TPCN2: variants seen among roughly 807,000 people sequenced by gnomAD.
The protein encoded by TPCN2 is two pore channel protein 2.
In TPCN2, 92 loss-of-function variants were observed where a neutral mutation model predicts 111.4. The ratio of observed to expected loss-of-function variants is 0.83; its 90% CI spans 0.70 to 0.98. The LOEUF is 0.98. Among genes scored for constraint, TPCN2 ranks in the 50% least tolerant of loss-of-function variants. The probability of loss-of-function intolerance (pLI) is 0.00; values close to 1 mark genes in which losing one functional copy is unlikely to be tolerated. For synonymous variants in TPCN2, 405 were observed against 414.5 expected (o/e 0.98, Z 0.28); for missense variants, 995 against 980.1 (o/e 1.02, Z -0.20).
At chr11:69,064,085 T>A (rs1335425188) in intron 7 of TPCN2, 118 bp downstream of exon 7, 4 of 969,144 alleles carry the variant, frequency 4.1e-6, no homozygotes, top group Non-Finnish European at 6.4e-6. Context: ...TGTCCAGTAA[T>A]AGCAGTGGCC....
chr11:69,084,409 GGTC>G (rs1338632015), intron 19 of TPCN2, among the ~76,000 whole-genome samples: 1 of 152,244 alleles, frequency 6.6e-6, no homozygotes, highest in African/African-American at 2.4e-5. Flanking sequence ...ATGAGGACTT[GGTC>G]GAGGCTCCTT....
chr11:69,067,292 C>T (rs527805986), intron 7 of TPCN2, among the ~76,000 whole-genome samples: 5 of 152,356 alleles, frequency 3.3e-5, no homozygotes, highest in Admixed American at 1.3e-4. Flanking sequence ...CGTGTCCATG[C>T]GGGTGAGCGG....
In TPCN2 at chr11:69,072,619, C is replaced by T. The variant is rs1006602508; in HGVS notation, c.1062-8C>T. ...TGTGCTCACCGGGCTGTGGGTTTTT[C>T]CCTGCAGAGTTGGGGTGAAGCCCCA... On this transcript the variant is annotated splice_region_variant and splice_polypyrimidine_tract_variant and intron_variant, in intron 11 of 24. Transcript: ENST00000294309. 1 of 1,613,774 alleles carries T rather than the reference C, an allele frequency of 6.2e-7. No individual in the cohort carries two copies. Among genetic ancestry groups the T allele is most frequent in the African/African-American group, 1.3e-5 (1 of 75,026 alleles).
chr11:69,076,036 A>T (rs1305040777), intron 13 of TPCN2, among the ~76,000 whole-genome samples: 1 of 152,192 alleles, frequency 6.6e-6, no homozygotes, highest in Non-Finnish European at 1.5e-5. Context: ...TCTGGGTTAA[A>T]CAGAAAGTGT....
chr11:69,087,075 G>T (rs367730549), intron 23 of TPCN2, 37 bp from the exon 24 acceptor site: 1 of 1,577,542 alleles, frequency 6.3e-7, no homozygotes, highest in Admixed American at 1.7e-5. Flanking sequence ...CTTTCATTCG[G>T]GGCCCACACT....
In TPCN2 at chr11:69,060,952, G is replaced by A. The variant is rs115286990; in HGVS notation, c.547-1932G>A. Among the ~76,000 whole-genome samples the A allele has an allele frequency of 6.5e-3, 994 of 152,296 alleles. 13 individuals carry two copies. The highest frequency in any genetic ancestry group is 0.023 in the African/African-American group (955 of 41,570). On this transcript the variant is annotated intron_variant, in intron 5 of 24. Coordinates refer to ENST00000294309, the MANE Select transcript of TPCN2 (RefSeq NM_139075.4). ...GTTCTCTTGGCCTTCTCAGTCCTGC[G>A]CCAGGCCCTGGGGTCCCTTTTGAGA...
At position 69,063,940 on chromosome 11, in the gene TPCN2, C is replaced by A. The variant is rs140012274; in HGVS notation, c.699C>A (p.Phe233Leu). The change falls in exon 7 of 25, where the codon TTC becomes TTA. Residue 233 changes from phenylalanine (F) to leucine (L), a missense_variant. Physicochemically the swap from Phe to Leu is conservative, Grantham distance 22. Transcript: ENST00000294309. ...LAIHLCLFTM[F>L]GMLLFAGGKQ... is the part of the protein sequence containing the mutation. ...TCCACCTGTGCCTCTTCACCATGTTCGGAATGCTGCTGTTCGCTGGTGGGA... is the reference window on the plus strand; with the variant it reads ...TCCACCTGTGCCTCTTCACCATGTTAGGAATGCTGCTGTTCGCTGGTGGGA... The A allele has an allele frequency of 6.2e-7, 1 of 1,613,994 alleles. No individual in the cohort carries two copies. The highest frequency in any genetic ancestry group is 1.7e-5 in the Admixed American group (1 of 59,996).
chr11:69,072,562 C>A (rs986335180), intron 11 of TPCN2, 65 bp from the exon 12 acceptor site: 8 of 1,557,594 alleles, frequency 5.1e-6, no homozygotes, highest in Middle Eastern at 1.7e-4. Context: ...GCAGGAGGAC[C>A]CAGGCCAGGG....
At chr11:69,051,104 G>C (rs1310392956) in intron 1 of TPCN2, among the ~76,000 whole-genome samples, 1 of 152,254 alleles carries the variant, frequency 6.6e-6, no homozygotes, top group Non-Finnish European at 1.5e-5. Flanking sequence ...CCTGTGCTCT[G>C]GTTTGCAAGT....
intron 9 of TPCN2, 37 bp from the exon 10 acceptor site, chr11:69,071,319 T>G (rs1279551491): frequency 6.3e-7 from 1 of 1,588,964 alleles, no homozygotes; most frequent in South Asian, 1.1e-5. Context: ...GCTGCTGTAC[T>G]GGTGGCGCCC....
At chr11:69,057,923 C>T (rs1355406580) in intron 5 of TPCN2, among the ~76,000 whole-genome samples, 1 of 152,212 alleles carries the variant, frequency 6.6e-6, no homozygotes, top group Non-Finnish European at 1.5e-5. Context: ...CCTCCTGGCT[C>T]GCCCTGTTTT....
intron 7 of TPCN2, among the ~76,000 whole-genome samples, chr11:69,064,239 C>G (rs541503857): frequency 2.0e-5 from 3 of 152,118 alleles, no homozygotes; most frequent in Non-Finnish European, 4.4e-5. Flanking sequence ...CCTCTGCTCC[C>G]TCCCATCCTG....
intron 17 of TPCN2, 80 bp from the exon 18 acceptor site, chr11:69,081,320 C>G: frequency 1.0e-6 from 1 of 962,536 alleles, no homozygotes; most frequent in Non-Finnish European, 1.6e-6. Flanking sequence ...CGCCTCCGTC[C>G]AGGAACCCGC....
At position 69,071,519 on chromosome 11, in the gene TPCN2, C is replaced by G. The variant is rs561497030; in HGVS notation, c.960+99C>G. 8.0e-5 allele frequency: 88 copies of G among 1,096,362 alleles called. No homozygotes were observed. In the African/African-American group the frequency reaches 1.2e-3, roughly 15 times the overall value. 67.9% of individuals were successfully genotyped at this position (1,096,362 alleles called of 1,614,324 possible). ...AGCTGGGTGACCCTTGCTGGCCAGG[C>G]CCCTGGTGGGACGGGAGGGCAGGGT... On this transcript the variant is annotated intron_variant, in intron 10 of 24. Transcript: ENST00000294309.
chr11:69,079,426 C>A, intron 16 of TPCN2: 1 of 279,226 alleles, frequency 3.6e-6, no homozygotes, highest in Non-Finnish European at 6.8e-6. Context: ...AATGCTTACA[C>A]TTCCTTTCCC....
chr11:69,072,846 G>GGGGCGCTCACCTTCGA, intron 12 of TPCN2, 69 bp from the exon 13 acceptor site: 5 of 1,528,600 alleles, frequency 3.3e-6, no homozygotes, highest in South Asian at 2.2e-5. Flanking sequence ...GTTGGGGCTG[G>GGGGCGCTCACCTTCGA]GGGCGCTCAC....
chr11:69,072,548 C>A, intron 11 of TPCN2, 79 bp from the exon 12 acceptor site: 1 of 1,467,088 alleles, frequency 6.8e-7, no homozygotes, highest in Non-Finnish European at 9.4e-7. Flanking sequence ...AGCCAGACGC[C>A]AGGGCAGGAG....
At chr11:69,067,064 C>T (rs1181942194) in intron 7 of TPCN2, among the ~76,000 whole-genome samples, 1 of 152,186 alleles carries the variant, frequency 6.6e-6, no homozygotes, top group Non-Finnish European at 1.5e-5. Context: ...CCCTGACACA[C>T]AGCCTCTAGA....
At position 69,085,203 on chromosome 11, in the gene TPCN2, C is replaced by T; in HGVS notation, c.1762-7C>T. 6.2e-7 allele frequency: 1 copy of T among 1,613,902 alleles called. No individual in the cohort carries two copies. The highest frequency in any genetic ancestry group is 1.1e-5 in the South Asian group (1 of 91,080). On this transcript the variant is annotated splice_region_variant and splice_polypyrimidine_tract_variant and intron_variant, in intron 19 of 24. Transcript: ENST00000294309. ...GGCTGATCAGTCCCCGGCTCCTGGC[C>T]CGCCAGGTGGTCTACTACGTATTTG...
Sources: gnomAD v4.1 joint callset for allele counts (sites outside exome capture counted in the v4.1 genomes callset) on GRCh38, gnomAD v4.1.1 for gene constraint, MANE v1.5 for transcripts, NCBI Gene and HGNC (gene_info 2026-07-23, HGNC 2026-07-21) for gene names.